Variants in ROBO1 observed in about 807,000 individuals in gnomAD.
The protein encoded by ROBO1 is roundabout homolog 1.
A neutral mutation model predicts 195.9 loss-of-function variants in ROBO1; 149 were observed. The ratio of observed to expected loss-of-function variants is 0.76; its 90% CI spans 0.67 to 0.87. The LOEUF is 0.87. ROBO1 is among the 40% of genes least tolerant of loss of function. ROBO1 has a pLI of 0.00. For synonymous variants in ROBO1, 816 were observed against 733.2 expected, an observed-to-expected ratio of 1.11 and a Z score of -1.82; for missense variants, 1,933 against 2,068.3, an observed-to-expected ratio of 0.93 and a Z score of 1.27.
At chr3:79,149,069 T>C (rs773113999) in intron 2 of ROBO1, among the ~76,000 whole-genome samples, 16 of 151,906 alleles carry the variant, frequency 1.1e-4, no homozygotes, top group Non-Finnish European at 1.9e-4. Context: ...TGCTGATACA[T>C]TGGTAGCCTC....
At chr3:79,619,413 G>A (rs542972202) in intron 1 of ROBO1, among the ~76,000 whole-genome samples, 3 of 152,064 alleles carry the variant, frequency 2.0e-5, no homozygotes, top group African/African-American at 4.8e-5. Context: ...AAACGTAAAT[G>A]TCTCATTTTC....
At chr3:79,355,903 T>C (rs922853797) in intron 2 of ROBO1, among the ~76,000 whole-genome samples, 1 of 152,154 alleles carries the variant, frequency 6.6e-6, no homozygotes, top group Non-Finnish European at 1.5e-5. Context: ...ACATACTGAT[T>C]TTATTTCCTT....
chr3:78,918,896 C>A (rs539029038), intron 4 of ROBO1, among the ~76,000 whole-genome samples: 1 of 152,262 alleles, frequency 6.6e-6, no homozygotes, highest in East Asian at 1.9e-4. Context: ...TTGTCCTAAT[C>A]TAGGTAACCT....
At chr3:78,646,508 T>C (rs996182306) in intron 20 of ROBO1, among the ~76,000 whole-genome samples, 14 of 151,372 alleles carry the variant, frequency 9.2e-5, no homozygotes, top group Admixed American at 6.6e-5. Context: ...AATATAACTG[T>C]TACACATCTG....
intron 2 of ROBO1, among the ~76,000 whole-genome samples, chr3:79,395,115 A>G (rs1453046025): frequency 2.0e-5 from 3 of 151,890 alleles, no homozygotes; most frequent in Non-Finnish European, 4.4e-5. Flanking sequence ...CGAGGTCAGG[A>G]GATCAAGACC....
intron 4 of ROBO1, among the ~76,000 whole-genome samples, chr3:78,812,945 TCTTGTA>T (rs1205024835): frequency 2.0e-5 from 3 of 152,108 alleles, no homozygotes; most frequent in South Asian, 2.1e-4. Context: ...ATATTAACTA[TCTTGTA>T]CTTGAACTTC....
rs192216852 is a variant in ROBO1 at position 79,657,200 on chromosome 3, C to A, written c.-50-67239G>T. On this transcript the variant is annotated intron_variant, in intron 1 of 30. Coordinates refer to ENST00000464233, the MANE Select transcript of ROBO1 (RefSeq NM_002941.4). ...ATTAATATAAAATGCAATAGGGGCACTTCCCACAGAAAATAACCTTTGCCA... is the reference window on the plus strand; with the variant it reads ...ATTAATATAAAATGCAATAGGGGCAATTCCCACAGAAAATAACCTTTGCCA... 6.5e-3 allele frequency among the ~76,000 whole-genome samples: 984 copies of A among 152,200 alleles called. 7 individuals carry two copies. Among genetic ancestry groups the A allele is most frequent in the African/African-American group, 0.021 (867 of 41,532 alleles).
rs554305484 is a variant in ROBO1 at position 79,700,805 on chromosome 3, T to C, written c.-51+66947A>G. Reference sequence around the variant, plus strand: ...AGATGCATACTTTGTGAATATTTTCTCCCATTCTGTGGGTTGTCCGTTAAT... The same window carrying C: ...AGATGCATACTTTGTGAATATTTTCCCCCATTCTGTGGGTTGTCCGTTAAT... On this transcript the variant is annotated intron_variant, in intron 1 of 30. Coordinates refer to ENST00000464233, the MANE Select transcript of ROBO1 (RefSeq NM_002941.4). Among the ~76,000 whole-genome samples the C allele has an allele frequency of 7.0e-4, 107 of 151,992 alleles. No individual in the cohort carries two copies. The Middle Eastern group carries it at 0.01, about 14-fold the overall frequency.
At chr3:78,754,448 T>G (rs2082876343) in intron 4 of ROBO1, among the ~76,000 whole-genome samples, 1 of 152,230 alleles carries the variant, frequency 6.6e-6, no homozygotes, top group Non-Finnish European at 1.5e-5. Context: ...TTATGTAGCC[T>G]TGCAGCAAGA....
intron 2 of ROBO1, among the ~76,000 whole-genome samples, chr3:79,573,965 T>C (rs931800820): frequency 6.6e-6 from 1 of 152,232 alleles, no homozygotes; most frequent in African/African-American, 2.4e-5. Context: ...TTACCTACGA[T>C]CATGAAGCAC....
At chr3:79,081,609 T>C (rs2079276440) in intron 3 of ROBO1, among the ~76,000 whole-genome samples, 1 of 152,212 alleles carries the variant, frequency 6.6e-6, no homozygotes, top group Non-Finnish European at 1.5e-5. Flanking sequence ...AACAACTTTC[T>C]TTGGGGCTTT....
At chr3:79,649,454 T>A (rs1945934981) in intron 1 of ROBO1, among the ~76,000 whole-genome samples, 1 of 152,048 alleles carries the variant, frequency 6.6e-6, no homozygotes, top group South Asian at 2.1e-4. Context: ...AATAATTGAA[T>A]TAAAATTCTA....
At chr3:78,623,268 G>A (rs553030926) in intron 26 of ROBO1, among the ~76,000 whole-genome samples, 1 of 152,290 alleles carries the variant, frequency 6.6e-6, no homozygotes, top group South Asian at 2.1e-4. Flanking sequence ...AAGATTTACT[G>A]AGGAGGATCT....
intron 2 of ROBO1, among the ~76,000 whole-genome samples, chr3:79,367,488 T>C (rs1168194620): frequency 6.6e-6 from 1 of 152,222 alleles, no homozygotes. Flanking sequence ...AATTGGAAGA[T>C]TATATTCAGA....
intron 4 of ROBO1, among the ~76,000 whole-genome samples, chr3:78,929,911 A>G (rs2039418919): frequency 6.6e-6 from 1 of 152,128 alleles, no homozygotes; most frequent in Admixed American, 6.5e-5. Flanking sequence ...AAGGGTCACT[A>G]CACTTAGAAA....
At position 79,635,675 on chromosome 3, in the gene ROBO1, T is replaced by C. The variant is rs562262266; in HGVS notation, c.-50-45714A>G. On this transcript the variant is annotated intron_variant, in intron 1 of 30. Transcript: ENST00000464233. The stretch of plus-strand genomic sequence containing the variant: ...CAGCTTTGATTAGTAATAAAAGTGG[T>C]TACATTCAATTGTATACAGCAGTCA... Among the ~76,000 whole-genome samples, 34 of 152,258 alleles carry C rather than the reference T, an allele frequency of 2.2e-4. No individual in the cohort carries two copies. The South Asian group carries it at 3.5e-3, about 16-fold the overall frequency.
chr3:79,227,953 AAC>A (rs2082256524), intron 2 of ROBO1, among the ~76,000 whole-genome samples: 2 of 152,138 alleles, frequency 1.3e-5, no homozygotes, highest in Non-Finnish European at 2.9e-5. Context: ...TCATTTTCTT[AAC>A]AGATTGTTCT....
intron 2 of ROBO1, among the ~76,000 whole-genome samples, chr3:79,378,607 C>T (rs1234670528): frequency 6.6e-6 from 1 of 152,172 alleles, no homozygotes; most frequent in Non-Finnish European, 1.5e-5. Context: ...CAATCTTTTT[C>T]CCTGTAAAAT....
intron 4 of ROBO1, among the ~76,000 whole-genome samples, chr3:78,911,564 C>G (rs2038241301): frequency 6.6e-6 from 1 of 151,934 alleles, no homozygotes. Context: ...GAAATAATGT[C>G]CGTTGTGCTG....
Sources: allele counts gnomAD v4.1 joint callset (sites outside exome capture counted in the v4.1 genomes callset), GRCh38; gene constraint gnomAD v4.1.1; transcripts MANE v1.5; gene names NCBI Gene and HGNC (gene_info 2026-07-23, HGNC 2026-07-21).